GRIK3: variants seen among roughly 807,000 people sequenced by gnomAD.
GRIK3 encodes glutamate receptor ionotropic, kainate 3.
Under a neutral mutation model 102.5 loss-of-function variants are expected in GRIK3, and 29 were observed. The observed-to-expected ratio is 0.28, with a 90% CI of 0.21 to 0.39. The LOEUF (loss-of-function observed/expected upper bound fraction) is 0.39. GRIK3 is among the 10% of genes least tolerant of loss of function. The pLI is 1.00. For missense variants in GRIK3, 908 were observed against 1,252.4 expected (o/e 0.73, Z 4.15); for synonymous variants, 511 against 504.9 (o/e 1.01, Z -0.16).
chr1:36,846,231 C>T (rs1176338017), intron 9 of GRIK3, among the ~76,000 whole-genome samples: 1 of 152,116 alleles, frequency 6.6e-6, no homozygotes, highest in Non-Finnish European at 1.5e-5. Context: ...CAGTCTCCTG[C>T]TGCTGCTGTT....
chr1:37,032,405 C>G (rs1642837812), intron 1 of GRIK3, among the ~76,000 whole-genome samples: 1 of 152,078 alleles, frequency 6.6e-6, no homozygotes, highest in African/African-American at 2.4e-5. Context: ...CCACCTTTTT[C>G]CCCAAGGACA....
At chr1:36,935,977 C>G (rs1641653424) in intron 1 of GRIK3, among the ~76,000 whole-genome samples, 1 of 152,194 alleles carries the variant, frequency 6.6e-6, no homozygotes, top group Non-Finnish European at 1.5e-5. Context: ...CTTGTCTTCC[C>G]TTCTTAAACA....
chr1:36,819,663 G>A lies in GRIK3; in HGVS notation c.1873+73C>T. 1 of 816,978 alleles carries A rather than the reference G, an allele frequency of 1.2e-6. No homozygotes were observed. The allele number at this position is 816,978 out of a possible 1,614,324, so 50.6% of individuals were successfully genotyped here. On this transcript the variant is annotated intron_variant, in intron 12 of 15. Transcript: ENST00000373091. This position sits in a 1 kb window ranked among gnomAD's most constrained non-coding sequence, Gnocchi z 4.1. ...CCTAGAGGTGTGGGCTGGCTCTGCT[G>A]ATGCCAAAGAGGCTGAAGACCGCTT...
At chr1:37,018,508 G>A (rs1642677036) in intron 1 of GRIK3, among the ~76,000 whole-genome samples, 1 of 152,122 alleles carries the variant, frequency 6.6e-6, no homozygotes. Flanking sequence ...ACTCTTTCTG[G>A]TCCTTTGTCT....
intron 13 of GRIK3, among the ~76,000 whole-genome samples, chr1:36,807,166 A>G (rs1445507776): frequency 2.0e-5 from 3 of 152,116 alleles, no homozygotes; most frequent in Non-Finnish European, 4.4e-5. Context: ...CTTGAGCAGA[A>G]TCAGAATCCC....
At chr1:36,950,155 G>C (rs1469532142) in intron 1 of GRIK3, among the ~76,000 whole-genome samples, 1 of 152,126 alleles carries the variant, frequency 6.6e-6, no homozygotes, top group African/African-American at 2.4e-5. Flanking sequence ...CTATGAAAAT[G>C]ACTTTATTAC....
chr1:36,929,593 A>C (rs556499217), intron 1 of GRIK3, among the ~76,000 whole-genome samples: 1 of 152,194 alleles, frequency 6.6e-6, no homozygotes, highest in Admixed American at 6.5e-5. Flanking sequence ...AGCTTTCTTT[A>C]TTTCAGGGAT....
rs1404076285 is a variant in GRIK3 at position 37,034,067 on chromosome 1, T to G, written c.42A>C (p.Glu14Asp). The G allele has an allele frequency of 6.2e-7, 1 of 1,600,138 alleles. No homozygotes were observed. The highest frequency in any genetic ancestry group is 1.7e-4 in the Middle Eastern group (1 of 5,742). ...CGCACACGAGGAGCCCGGCCCAGTA[T>G]TCCCAAACCAGACTCCGGAGGCGCC... Reference protein sequence around the residue: ...PWRRLRSLVWEYWAGLLVCAF... With the variant: ...PWRRLRSLVWDYWAGLLVCAF... Residue 14 changes from glutamate (E) to aspartate (D), a missense_variant, in exon 1 of 16, where the codon GAA becomes GAC. This residue lies in a region of GRIK3 where 585 missense variants were observed against 824.9 expected (regional missense o/e 0.71). Coordinates refer to ENST00000373091, the MANE Select transcript of GRIK3 (RefSeq NM_000831.4).
chr1:36,919,220 C>T (rs1186837636), intron 1 of GRIK3, among the ~76,000 whole-genome samples: 1 of 152,144 alleles, frequency 6.6e-6, no homozygotes, highest in Non-Finnish European at 1.5e-5. Flanking sequence ...AAATAACCAA[C>T]AATCAGGGTG....
At chr1:36,825,327 C>A (rs1642743620) in intron 11 of GRIK3, among the ~76,000 whole-genome samples, 1 of 152,138 alleles carries the variant, frequency 6.6e-6, no homozygotes, top group African/African-American at 2.4e-5. Context: ...TACGAGCCTG[C>A]CAATGGGACC....
intron 1 of GRIK3, among the ~76,000 whole-genome samples, chr1:37,024,445 CTATTATTATTATTAT>C (rs10630686): frequency 4.1e-5 from 6 of 145,642 alleles, no homozygotes; most frequent in East Asian, 2.0e-4. Flanking sequence ...GCAGGTACAA[CTATTATTATTATTAT>C]TATTATTATT....
chr1:36,827,785 CTGGG>C (rs1642770587), intron 10 of GRIK3, among the ~76,000 whole-genome samples: 1 of 152,112 alleles, frequency 6.6e-6, no homozygotes, highest in South Asian at 2.1e-4. Flanking sequence ...GTGCTCCCGG[CTGGG>C]AGCAGCTGGG....
At chr1:36,953,523 C>A (rs540553072) in intron 1 of GRIK3, among the ~76,000 whole-genome samples, 1 of 151,950 alleles carries the variant, frequency 6.6e-6, no homozygotes, top group South Asian at 2.1e-4. Context: ...CTAGGGCATA[C>A]GTAAGGAGAA....
intron 2 of GRIK3, among the ~76,000 whole-genome samples, chr1:36,884,036 AAC>A (rs1641012002): frequency 6.6e-6 from 1 of 152,212 alleles, no homozygotes; most frequent in African/African-American, 2.4e-5. Flanking sequence ...AGCCCCCTGT[AAC>A]ACGGGGCAGA....
chr1:36,814,954 C>T (rs1258456070), intron 13 of GRIK3, among the ~76,000 whole-genome samples: 2 of 152,170 alleles, frequency 1.3e-5, no homozygotes, highest in South Asian at 4.1e-4. Context: ...TGTCCAAGCA[C>T]AAATACACAC....
At chr1:36,887,969 C>T (rs1447997350) in intron 2 of GRIK3, among the ~76,000 whole-genome samples, 1 of 152,044 alleles carries the variant, frequency 6.6e-6, no homozygotes, top group African/African-American at 2.4e-5. Context: ...GGAGTTCAGA[C>T]TGTGCAGCAG....
At chr1:36,957,570 AGT>A (rs1641934382) in intron 1 of GRIK3, among the ~76,000 whole-genome samples, 2 of 104,860 alleles carry the variant, frequency 1.9e-5, no homozygotes, top group East Asian at 3.1e-4. Context: ...GTGCTCTGTG[AGT>A]CTGTGCCCTG....
At chr1:36,802,873 C>T (rs1331468494) in intron 15 of GRIK3, among the ~76,000 whole-genome samples, 3 of 152,124 alleles carry the variant, frequency 2.0e-5, no homozygotes, top group African/African-American at 7.2e-5. Flanking sequence ...CCAGGCTTCC[C>T]TTTCCTCACC....
intron 10 of GRIK3, among the ~76,000 whole-genome samples, chr1:36,832,556 C>T (rs866064433): frequency 2.6e-5 from 4 of 152,156 alleles, no homozygotes; most frequent in African/African-American, 7.2e-5. Context: ...AAGTGTCAAC[C>T]GATGGGTCAA....
Sources: gnomAD v4.1 joint callset for allele counts (sites outside exome capture counted in the v4.1 genomes callset) on GRCh38, gnomAD v4.1.1 for gene constraint, gnomAD v4.1.1 regional missense constraint, Gnocchi (gnomAD v3.1) non-coding constraint, MANE v1.5 for transcripts, NCBI Gene and HGNC (gene_info 2026-07-23, HGNC 2026-07-21) for gene names.